TMEM268: variants seen among roughly 807,000 people sequenced by gnomAD.
The protein encoded by TMEM268 is transmembrane protein C9orf91.
A neutral mutation model predicts 39.1 loss-of-function variants in TMEM268; 24 were observed. The observed-to-expected ratio is 0.61, with a 90% CI of 0.44 to 0.86. The LOEUF (loss-of-function observed/expected upper bound fraction) is 0.86, where lower values mean the gene tolerates loss of function less well. Among genes scored for constraint, TMEM268 ranks in the 40% least tolerant of loss-of-function variants. The pLI, the probability that TMEM268 is intolerant of heterozygous loss-of-function variation, is 0.00. For synonymous variants in TMEM268, 176 were observed against 173.5 expected, an observed-to-expected ratio of 1.01 and a Z score of -0.12; for missense variants, 409 against 428.6, an observed-to-expected ratio of 0.95 and a Z score of 0.40.
chr9:114,611,443 CGGCGCGGGAGGCGTGCTG>C lies in TMEM268; in HGVS notation c.-191_-174del. 1 of 150,776 alleles carries C rather than the reference CGGCGCGGGAGGCGTGCTG, an allele frequency of 6.6e-6. No individual in the cohort carries two copies. The highest frequency in any genetic ancestry group is 1.8e-4 in the South Asian group (1 of 5,648). The allele number at this position is 150,776 out of a possible 1,614,324, so 9.3% of individuals were successfully genotyped here. A position where few individuals can be genotyped will look rare whatever the true frequency, so the allele number is the denominator to read the frequency against. On this transcript the variant is annotated 5_prime_UTR_variant, in exon 1 of 9. Transcript: ENST00000288502. ...GCGGGCCCGTGAAGGCGGCGCAGCG[CGGCGCGGGAGGCGTGCTG>C]GGCGCGGGGCTGCGGTGCCCAGAGG... is the stretch of plus-strand genomic sequence containing the variant.
At position 114,638,497 on chromosome 9, in the gene TMEM268, C is replaced by T. The variant is rs752970994; in HGVS notation, c.667-47C>T. 2.1e-6 allele frequency: 3 copies of T among 1,426,980 alleles called. No homozygotes were observed. In the South Asian group the frequency reaches 4.6e-5, roughly 22 times the overall value. 88.4% of individuals were successfully genotyped at this position (1,426,980 alleles called of 1,614,324 possible). A position where few individuals can be genotyped will look rare whatever the true frequency, so the allele number is the denominator to read the frequency against. On this transcript the variant is annotated intron_variant, in intron 7 of 8. Coordinates refer to ENST00000288502, the MANE Select transcript of TMEM268 (RefSeq NM_153045.4). ...GGGGAGGGACTCAGCCTCGCAGATA[C>T]CACCTGATTTAGGCACTCCTGAGCC...
chr9:114,618,523 T>A (rs185490467), intron 2 of TMEM268, among the ~76,000 whole-genome samples: 1 of 152,024 alleles, frequency 6.6e-6, no homozygotes, highest in East Asian at 1.9e-4. Flanking sequence ...ATCAGCTGGA[T>A]GTGGTGGCGG....
chr9:114,639,043 T>A (rs1244755904), intron 8 of TMEM268, among the ~76,000 whole-genome samples: 1 of 152,224 alleles, frequency 6.6e-6, no homozygotes, highest in Non-Finnish European at 1.5e-5. Flanking sequence ...AACATACTGA[T>A]GAACATTTGG....
upstream of TMEM268, among the ~76,000 whole-genome samples, chr9:114,609,730 A>G (rs200613391): frequency 2.9e-4 from 31 of 105,984 alleles, no homozygotes; most frequent in Admixed American, 8.8e-4. Flanking sequence ...AAAAAGAAAA[A>G]GAAGGAAGGA....
chr9:114,642,823 C>A (rs1827413614), intron 8 of TMEM268, among the ~76,000 whole-genome samples: 1 of 152,042 alleles, frequency 6.6e-6, no homozygotes, highest in African/African-American at 2.4e-5. Flanking sequence ...TTGGTAATTT[C>A]TCTAGGGCTT....
intron 2 of TMEM268, 118 bp downstream of exon 2, chr9:114,617,419 G>C: frequency 1.3e-6 from 1 of 787,896 alleles, no homozygotes; most frequent in East Asian, 2.7e-5. Flanking sequence ...GCCATATTCT[G>C]TCATTTTTAC....
Position 114,624,406 on chromosome 9 carries a change from A to G in TMEM268, c.163A>G (p.Ile55Val). 1.2e-6 allele frequency: 2 copies of G among 1,601,366 alleles called. No individual in the cohort carries two copies. The highest frequency in any genetic ancestry group is 8.5e-7 in the Non-Finnish European group (1 of 1,173,238). ...CCGGATTGACAATACCTGTGCACCC[A>G]TCTCCTTCGACCTGGGAGCCGCAGA... ...VLRIDNTCAP[I>V]SFDLGAAEEQ... The change falls in exon 3 of 9, where the codon ATC (isoleucine) becomes GTC (valine). Residue 55 changes from isoleucine (I) to valine (V), a missense_variant. Physicochemically the swap from Ile to Val is conservative, Grantham distance 29. Coordinates refer to ENST00000288502, the MANE Select transcript of TMEM268 (RefSeq NM_153045.4).
At chr9:114,618,575 A>T (rs1166537468) in intron 2 of TMEM268, among the ~76,000 whole-genome samples, 1 of 152,016 alleles carries the variant, frequency 6.6e-6, no homozygotes, top group East Asian at 1.9e-4. Flanking sequence ...AGGCAGGATA[A>T]TCACTTGAAC....
intron 2 of TMEM268, among the ~76,000 whole-genome samples, chr9:114,620,952 A>C (rs977891353): frequency 6.6e-6 from 1 of 152,158 alleles, no homozygotes; most frequent in Admixed American, 6.5e-5. Context: ...AGAGAGAAAA[A>C]AAGCAAAATA....
rs564942612 is a variant in TMEM268, at chr9:114,636,136, G to T, written c.586-854G>T. Among the ~76,000 whole-genome samples, 3 of 152,322 alleles carry T rather than the reference G, an allele frequency of 2.0e-5. No individual in the cohort carries two copies. In the East Asian group the frequency reaches 5.8e-4, roughly 29 times the overall value. ...TCTCCAAGAACTTCAATTAGGATGT[G>T]TGGCAGCTGTGGTCTTGACAGGTTG... On this transcript the variant is annotated intron_variant, in intron 6 of 8. Coordinates refer to ENST00000288502, the MANE Select transcript of TMEM268 (RefSeq NM_153045.4).
chr9:114,630,377 C>T (rs756847548), intron 5 of TMEM268, among the ~76,000 whole-genome samples: 10 of 152,226 alleles, frequency 6.6e-5, no homozygotes, highest in Non-Finnish European at 1.3e-4. Flanking sequence ...TTGTGTGCAG[C>T]ATGGAGGTCT....
At chr9:114,627,386 C>T (rs1564291787) in intron 4 of TMEM268, among the ~76,000 whole-genome samples, 1 of 151,990 alleles carries the variant, frequency 6.6e-6, no homozygotes, top group East Asian at 1.9e-4. Context: ...TATACATGTA[C>T]ATATATATGT....
In TMEM268 at chr9:114,617,309, C is replaced by G. The variant is rs41278667; in HGVS notation, c.106+8C>G. 41,516 of 1,594,958 alleles carry G rather than the reference C, an allele frequency of 0.026. 849 individuals carry two copies. The highest frequency in any genetic ancestry group is 0.1 in the African/African-American group (7,552 of 74,592). ...CTCCTGGCTGGGGGCAAGGTAAGAT[C>G]ATGACCTTTCATTTTCCACCTTCTT... On this transcript the variant is annotated splice_region_variant and intron_variant, in intron 2 of 8. Transcript: ENST00000288502.
At position 114,628,267 on chromosome 9, in the gene TMEM268, T is replaced by A; in HGVS notation, c.474+17T>A. 6.2e-7 allele frequency: 1 copy of A among 1,610,568 alleles called. No homozygotes were observed. On this transcript the variant is annotated intron_variant, in intron 5 of 8. Coordinates refer to ENST00000288502, the MANE Select transcript of TMEM268 (RefSeq NM_153045.4). ...CAGAAGAAGGTGAGATGTCTGGAGA[T>A]CCCTGCCACACTCTCTCCAGAAGAG...
intron 1 of TMEM268, 97 bp from the exon 2 acceptor site, chr9:114,617,021 C>T (rs1845743938): frequency 3.8e-6 from 2 of 520,396 alleles, no homozygotes; most frequent in South Asian, 6.0e-5. Flanking sequence ...GGTAACTCTC[C>T]CTGGCCTTTG....
At position 114,638,372 on chromosome 9, in the gene TMEM268, G is replaced by T. The variant is rs143087972; in HGVS notation, c.667-172G>T. Reference sequence around the variant, plus strand: ...AGGAAAAATATTTAGAGCTATTAATGACCATCTGTAGGGAATTATGTAATA... The same window carrying T: ...AGGAAAAATATTTAGAGCTATTAATTACCATCTGTAGGGAATTATGTAATA... On this transcript the variant is annotated intron_variant, in intron 7 of 8. Coordinates refer to ENST00000288502, the MANE Select transcript of TMEM268 (RefSeq NM_153045.4). 8.5e-5 allele frequency among the ~76,000 whole-genome samples: 13 copies of T among 152,324 alleles called. No individual in the cohort carries two copies. The East Asian group carries it at 2.5e-3, about 29-fold the overall frequency.
At chr9:114,641,437 C>G (rs1460425190) in intron 8 of TMEM268, among the ~76,000 whole-genome samples, 1 of 152,094 alleles carries the variant, frequency 6.6e-6, no homozygotes, top group Non-Finnish European at 1.5e-5. Context: ...AGAGCTTCAA[C>G]CCCATGCTTA....
Position 114,638,591 on chromosome 9 carries a change from TG to T in TMEM268, c.718del (p.Val240Ter). 1.9e-6 allele frequency: 3 copies of T among 1,605,336 alleles called. No individual in the cohort carries two copies. Among genetic ancestry groups the T allele is most frequent in the Non-Finnish European group, 2.6e-6 (3 of 1,176,382 alleles). ...LSQLCVVMET[G>X]VSPATAEGPE... ...GCCAGTTGTGTGTTGTCATGGAGACTGGGGTGAGCCCTGCAACAGCGGAGGG... is the reference window on the plus strand; with the variant it reads ...GCCAGTTGTGTGTTGTCATGGAGACTGGGTGAGCCCTGCAACAGCGGAGGG... On this transcript the variant is annotated frameshift_variant, in exon 8 of 9. Coordinates refer to ENST00000288502, the MANE Select transcript of TMEM268 (RefSeq NM_153045.4). LOFTEE classifies it high-confidence loss of function.
At chr9:114,640,902 G>A (rs181805513) in intron 8 of TMEM268, among the ~76,000 whole-genome samples, 1 of 151,650 alleles carries the variant, frequency 6.6e-6, no homozygotes, top group East Asian at 1.9e-4. Context: ...TCGAGAGGGA[G>A]TTTTGCTCTT....
Sources: gnomAD v4.1 joint callset for allele counts (sites outside exome capture counted in the v4.1 genomes callset) on GRCh38, gnomAD v4.1.1 for gene constraint, MANE v1.5 for transcripts, NCBI Gene and HGNC (gene_info 2026-07-23, HGNC 2026-07-21) for gene names.